The following IQCE variants were observed in gnomAD, a reference collection of about 807,000 sequenced individuals.
The protein encoded by IQCE is IQ motif containing E.
In IQCE, 115 loss-of-function variants were observed where a neutral mutation model predicts 96.0. The ratio of observed to expected loss-of-function variants is 1.20; its 90% CI spans 1.03 to 1.40. IQCE has a LOEUF of 1.40. Among genes scored for constraint, IQCE ranks in the 40% most tolerant of loss-of-function variants. IQCE has a pLI of 0.00. For missense variants in IQCE, 1,041 were observed against 909.1 expected, an observed-to-expected ratio of 1.15 and a Z score of -1.87; for synonymous variants, 412 against 371.2, an observed-to-expected ratio of 1.11 and a Z score of -1.26.
At position 2,572,295 on chromosome 7, in the gene IQCE, G is replaced by C. The variant is rs775017409; in HGVS notation, c.363G>C (p.Lys121Asn). 1.9e-6 allele frequency: 3 copies of C among 1,614,178 alleles called. No homozygotes were observed. The Admixed American group carries it at 5.0e-5, about 27-fold the overall frequency. ...GTCTGACAGACACCTTCAGAGTGAA[G>C]AGGCCACATCTCAGGCGCTCTGCCA... Reference protein sequence around the residue: ...PDCLTDTFRVKRPHLRRSASN... With the variant: ...PDCLTDTFRVNRPHLRRSASN... Residue 121 changes from lysine to asparagine, a missense_variant, in exon 5 of 22, where the codon AAG (lysine) becomes AAC (asparagine). Transcript: ENST00000402050.
chr7:2,576,774 G>T (rs916733863), intron 6 of IQCE, among the ~76,000 whole-genome samples: 8 of 152,146 alleles, frequency 5.3e-5, no homozygotes, highest in African/African-American at 1.9e-4. Flanking sequence ...ATAAAGATTG[G>T]GAAGCACTGC....
At chr7:2,563,774 T>G (rs1026342465) in intron 1 of IQCE, among the ~76,000 whole-genome samples, 1 of 150,988 alleles carries the variant, frequency 6.6e-6, no homozygotes, top group East Asian at 2.0e-4. Context: ...GGCGCCTGTA[T>G]TCCCAGTTAC....
In IQCE at chr7:2,612,535, G is replaced by C. The variant is rs951339313; in HGVS notation, c.*2373G>C. 7 of 152,286 alleles carry C rather than the reference G, an allele frequency of 4.6e-5. No individual in the cohort carries two copies. The highest frequency in any genetic ancestry group is 1.7e-4 in the African/African-American group (7 of 41,378). 9.4% of individuals were successfully genotyped at this position (152,286 alleles called of 1,614,324 possible). A position where few individuals can be genotyped will look rare whatever the true frequency, so the allele number is the denominator to read the frequency against. On this transcript the variant is annotated 3_prime_UTR_variant, in exon 22 of 22. Coordinates refer to ENST00000402050, the MANE Select transcript of IQCE (RefSeq NM_152558.5). Reference sequence around the variant, plus strand: ...AAGAGAAGCCCATGGAGCCATGGGAGGGGTGAGCTGTGGGCGGGGCCTAGT... The same window carrying C: ...AAGAGAAGCCCATGGAGCCATGGGACGGGTGAGCTGTGGGCGGGGCCTAGT...
At chr7:2,598,844 CTTTCCATCCAG>C in intron 17 of IQCE, 1 of 406,762 alleles carries the variant, frequency 2.5e-6, no homozygotes. Flanking sequence ...CGCCAGATTT[CTTTCCATCCAG>C]TTTTCTTCCA....
chr7:2,593,597 C>T (rs1405444850), intron 15 of IQCE, among the ~76,000 whole-genome samples: 1 of 152,264 alleles, frequency 6.6e-6, no homozygotes, highest in Non-Finnish European at 1.5e-5. Flanking sequence ...GCCCGGGGAC[C>T]CTGGAAAACC....
chr7:2,559,116 C>G lies in IQCE; in HGVS notation c.-66C>G. Reference sequence around the variant, plus strand: ...GAGGCTGCGGGCGGCCAGGGCTGCCCGCGGATTCCCAGACCCGGACGCCCG... The same window carrying G: ...GAGGCTGCGGGCGGCCAGGGCTGCCGGCGGATTCCCAGACCCGGACGCCCG... On this transcript the variant is annotated 5_prime_UTR_variant, in exon 1 of 22. Transcript: ENST00000402050. 1 of 1,092,462 alleles carries G rather than the reference C, an allele frequency of 9.2e-7. No homozygotes were observed. Among genetic ancestry groups the G allele is most frequent in the Non-Finnish European group, 1.2e-6 (1 of 867,364 alleles). 67.7% of individuals were successfully genotyped at this position (1,092,462 alleles called of 1,614,324 possible). A position where few individuals can be genotyped will look rare whatever the true frequency, so the allele number is the denominator to read the frequency against.
intron 8 of IQCE, chr7:2,580,120 G>A (rs866510024): frequency 1.3e-5 from 2 of 152,110 alleles, no homozygotes; most frequent in African/African-American, 4.8e-5. Flanking sequence ...GTGTGGCTGT[G>A]CCCTGTGGCC....
At chr7:2,570,389 TC>T (rs1781677146) in intron 3 of IQCE, among the ~76,000 whole-genome samples, 1 of 151,926 alleles carries the variant, frequency 6.6e-6, no homozygotes, top group African/African-American at 2.4e-5. Flanking sequence ...AGGGCTTTTT[TC>T]TGCTCACTCA....
In IQCE at chr7:2,583,729, G is replaced by A. The variant is rs550191748; in HGVS notation, c.774+20G>A. The A allele has an allele frequency of 5.5e-5, 75 of 1,363,644 alleles. No homozygotes were observed. Among genetic ancestry groups the A allele is most frequent in the Non-Finnish European group, 6.2e-5 (64 of 1,028,130 alleles). The allele number at this position is 1,363,644 out of a possible 1,614,324, so 84.5% of individuals were successfully genotyped here. Reference sequence around the variant, plus strand: ...GAGGAGGTGCGCCGTGCTGGGCGGCGGAGCGGAGGGCGGGCACCGAGCTGG... The same window carrying A: ...GAGGAGGTGCGCCGTGCTGGGCGGCAGAGCGGAGGGCGGGCACCGAGCTGG... On this transcript the variant is annotated intron_variant, in intron 10 of 21. Coordinates refer to ENST00000402050, the MANE Select transcript of IQCE (RefSeq NM_152558.5).
intron 3 of IQCE, 103 bp from the exon 4 acceptor site, chr7:2,571,423 C>A (rs1056654795): frequency 2.1e-6 from 3 of 1,460,368 alleles, no homozygotes; most frequent in East Asian, 2.3e-5. Context: ...AGAGTCACCA[C>A]GCTCGTGGAT....
chr7:2,571,050 G>C (rs1224290006), intron 3 of IQCE, among the ~76,000 whole-genome samples: 1 of 152,036 alleles, frequency 6.6e-6, no homozygotes, highest in Non-Finnish European at 1.5e-5. Flanking sequence ...CTTAAGAAAA[G>C]CCTGTTACCC....
Position 2,613,422 on chromosome 7 carries a change from A to C in IQCE, c.*3260A>C, listed in dbSNP as rs1562693897. On this transcript the variant is annotated 3_prime_UTR_variant, in exon 22 of 22. Transcript: ENST00000402050. ...ACAGGAGGCTTTCCTGGCACAGGGCACAGCTCTTAGGAGGCCTTTGTAGGA... is the reference window on the plus strand; with the variant it reads ...ACAGGAGGCTTTCCTGGCACAGGGCCCAGCTCTTAGGAGGCCTTTGTAGGA... 6.6e-6 allele frequency: 1 copy of C among 152,284 alleles called. No homozygotes were observed. The highest frequency in any genetic ancestry group is 1.9e-4 in the East Asian group (1 of 5,200). 9.4% of individuals were successfully genotyped at this position (152,284 alleles called of 1,614,324 possible).
In IQCE at chr7:2,582,088, C is replaced by T. The variant is rs114629898; in HGVS notation, c.631-492C>T. On this transcript the variant is annotated intron_variant, in intron 8 of 21. Coordinates refer to ENST00000402050, the MANE Select transcript of IQCE (RefSeq NM_152558.5). The stretch of plus-strand genomic sequence containing the variant: ...TTCACAGAAAAGGAGGTGAGGAGGC[C>T]GCTGGAGCTGTTCTCCCTTCCCCAA... 9.9e-3 allele frequency: 4,656 copies of T among 469,294 alleles called. 167 individuals carry two copies. Among genetic ancestry groups the T allele is most frequent in the African/African-American group, 0.077 (3,860 of 50,046 alleles). The allele number at this position is 469,294 out of a possible 1,614,324, so 29.1% of individuals were successfully genotyped here.
intron 6 of IQCE, among the ~76,000 whole-genome samples, chr7:2,577,143 G>C (rs1782188753): frequency 1.3e-5 from 2 of 152,352 alleles, no homozygotes; most frequent in South Asian, 4.1e-4. Flanking sequence ...CCCTGAGTGG[G>C]AGCCACGCAG....
chr7:2,565,609 C>T (rs770304285), intron 1 of IQCE, among the ~76,000 whole-genome samples: 28 of 152,296 alleles, frequency 1.8e-4, no homozygotes, highest in African/African-American at 2.6e-4. Flanking sequence ...TCTGCAGGCA[C>T]GTCCTTGTGA....
intron 11 of IQCE, among the ~76,000 whole-genome samples, chr7:2,585,608 G>A (rs1040902331): frequency 2.6e-5 from 4 of 152,228 alleles, no homozygotes; most frequent in Non-Finnish European, 4.4e-5. Flanking sequence ...GAGCCACAGC[G>A]CCAGGCAGGC....
chr7:2,558,989 A>C lies in IQCE; in HGVS notation c.-193A>C. 6 of 294,120 alleles carry C rather than the reference A, an allele frequency of 2.0e-5. No individual in the cohort carries two copies. Among genetic ancestry groups the C allele is most frequent in the Middle Eastern group, 1.0e-3 (1 of 972 alleles). 18.2% of individuals were successfully genotyped at this position (294,120 alleles called of 1,614,324 possible). A position where few individuals can be genotyped will look rare whatever the true frequency, so the allele number is the denominator to read the frequency against. ...GCGCCCGCGGACTCTGCGCACGCGC[A>C]TGGTCGCCCCAGGGGGAACGCAGGT... On this transcript the variant is annotated 5_prime_UTR_variant, in exon 1 of 22. An upstream start codon of the reference 5' UTR is lost. Coordinates refer to ENST00000402050, the MANE Select transcript of IQCE (RefSeq NM_152558.5).
intron 14 of IQCE, among the ~76,000 whole-genome samples, chr7:2,590,751 T>A (rs1783522858): frequency 6.6e-6 from 1 of 151,998 alleles, no homozygotes; most frequent in African/African-American, 2.4e-5. Flanking sequence ...GGCAACTGAG[T>A]GAGACCTCAA....
At chr7:2,564,950 A>G (rs112328490) in intron 1 of IQCE, among the ~76,000 whole-genome samples, 3 of 152,170 alleles carry the variant, frequency 2.0e-5, no homozygotes, top group African/African-American at 7.2e-5. Context: ...TTCAGTGTGA[A>G]ACCACCCCAT....
Sources: allele counts gnomAD v4.1 joint callset (sites outside exome capture counted in the v4.1 genomes callset), GRCh38; gene constraint gnomAD v4.1.1; transcripts MANE v1.5; gene names NCBI Gene and HGNC (gene_info 2026-07-23, HGNC 2026-07-21).